The following PCDH11X variants were observed in gnomAD, a reference collection of about 807,000 sequenced individuals.
The protein encoded by PCDH11X is protocadherin-11 X-linked.
PCDH11X carries 18 observed loss-of-function variants against 53.3 expected under a neutral mutation model. That is an observed-to-expected ratio of 0.34 (90% CI 0.23 to 0.50). The LOEUF is 0.50. Ranked by LOEUF, PCDH11X falls within the 20% of genes least tolerant of loss-of-function variation. The pLI, the probability that PCDH11X is intolerant of heterozygous loss-of-function variation, is 0.98. For synonymous variants in PCDH11X, 279 were observed against 393.3 expected, an observed-to-expected ratio of 0.71 and a Z score of 3.44; for missense variants, 570 against 1,032.4, an observed-to-expected ratio of 0.55 and a Z score of 6.14.
rs184144762 is a variant in PCDH11X at position 92,303,446 on chromosome X, C to G, written c.3144+40303C>G. On this transcript the variant is annotated intron_variant, in intron 8 of 10. Transcript: ENST00000682573. The stretch of plus-strand genomic sequence containing the variant: ...TCAGTGGGTTTTTATATCTCCTTCT[C>G]TAAGATGATTATTCATGTAGGGTCC... Among the ~76,000 whole-genome samples, 42 of 111,155 alleles carry G rather than the reference C, an allele frequency of 3.8e-4. 1 individual carries two copies. The East Asian group carries it at 0.011, about 29-fold the overall frequency.
intron 8 of PCDH11X, among the ~76,000 whole-genome samples, chrX:92,318,188 C>T (rs1261374029): frequency 9.0e-6 from 1 of 111,655 alleles, no homozygotes; most frequent in Non-Finnish European, 1.9e-5. Context: ...AATACACTAT[C>T]TGGATGAAAG....
chrX:91,784,464 G>A (rs1414950487), intron 1 of PCDH11X, among the ~76,000 whole-genome samples: 1 of 111,947 alleles, frequency 8.9e-6, no homozygotes, highest in Admixed American at 9.4e-5. Context: ...TCCAGCCTTC[G>A]AAAAATTCCC....
chrX:92,408,848 C>T (rs2071583766), intron 9 of PCDH11X, among the ~76,000 whole-genome samples: 2 of 108,366 alleles, frequency 1.8e-5, no homozygotes, highest in Admixed American at 2.0e-4. Context: ...TCCCAAAGTG[C>T]TGGGATTACA....
intron 6 of PCDH11X, among the ~76,000 whole-genome samples, chrX:91,967,133 C>T (rs2061876866): frequency 9.1e-6 from 1 of 110,019 alleles, no homozygotes; most frequent in Non-Finnish European, 1.9e-5. Context: ...CTTCCAGCTT[C>T]ATCCAAGGAG....
intron 8 of PCDH11X, among the ~76,000 whole-genome samples, chrX:92,295,193 T>G (rs1452971004): frequency 9.0e-6 from 1 of 110,539 alleles, no homozygotes; most frequent in African/African-American, 3.3e-5. Context: ...AGCACTGAAC[T>G]GTAAGTAATC....
At chrX:92,229,343 T>A in intron 7 of PCDH11X, among the ~76,000 whole-genome samples, 1 of 111,190 alleles carries the variant, frequency 9.0e-6, no homozygotes, top group East Asian at 2.8e-4. Flanking sequence ...TCATGAGGTC[T>A]CCCCTCATTT....
chrX:91,953,820 A>G (rs1310783972), intron 6 of PCDH11X, among the ~76,000 whole-genome samples: 2 of 110,012 alleles, frequency 1.8e-5, no homozygotes, highest in Non-Finnish European at 3.8e-5. Context: ...AAGTTTTAGT[A>G]TGTAGCTTTG....
intron 6 of PCDH11X, among the ~76,000 whole-genome samples, chrX:91,957,229 A>G (rs1357621952): frequency 9.2e-6 from 1 of 109,250 alleles, no homozygotes; most frequent in Non-Finnish European, 1.9e-5. Context: ...GTGGTTTGTT[A>G]TTACCCACTT....
At chrX:92,103,098 G>A (rs753796199) in intron 6 of PCDH11X, among the ~76,000 whole-genome samples, 2 of 108,904 alleles carry the variant, frequency 1.8e-5, no homozygotes, top group Non-Finnish European at 3.8e-5. Flanking sequence ...GTTAAGGTGG[G>A]GGGATATGAG....
chrX:92,429,205 A>G (rs1485969746), intron 9 of PCDH11X, among the ~76,000 whole-genome samples: 9 of 111,331 alleles, frequency 8.1e-5, no homozygotes, highest in Non-Finnish European at 1.9e-5. Context: ...TACCTTGACC[A>G]ATGAGAAATC....
intron 8 of PCDH11X, among the ~76,000 whole-genome samples, chrX:92,279,124 T>C (rs1300175063): frequency 8.9e-6 from 1 of 112,149 alleles, no homozygotes; most frequent in African/African-American, 3.3e-5. Flanking sequence ...TTTTAGCTTT[T>C]GTCAGTCATA....
intron 9 of PCDH11X, chrX:92,460,735 G>C: frequency 1.8e-6 from 2 of 1,105,868 alleles, no homozygotes; most frequent in Non-Finnish European, 2.4e-6. Flanking sequence ...GACAGTGCCA[G>C]GCCCAGGAGT....
At chrX:92,296,007 C>T (rs1306736598) in intron 8 of PCDH11X, among the ~76,000 whole-genome samples, 3 of 108,377 alleles carry the variant, frequency 2.8e-5, no homozygotes, top group East Asian at 5.9e-4. Flanking sequence ...CGCTTGAACC[C>T]GGGAGGCGAG....
chrX:92,387,743 G>A lies in PCDH11X; in HGVS notation c.3153G>A (p.Arg1051=). The change falls in exon 9 of 11, where the codon CGG becomes CGA. Residue 1051 remains arginine (R), a synonymous_variant. Coordinates refer to ENST00000682573, the MANE Select transcript of PCDH11X (RefSeq NM_032968.5). ...SEGKVAGKSQ[R]RVTFHLPEGS... ...TTCATTCTCCCTTTCAGTCCCAGCGGCGTGTCACATTTCACCTGCCAGAAG... is the reference window on the plus strand; with the variant it reads ...TTCATTCTCCCTTTCAGTCCCAGCGACGTGTCACATTTCACCTGCCAGAAG... 8.3e-7 allele frequency: 1 copy of A among 1,211,754 alleles called. No individual in the cohort carries two copies. The highest frequency in any genetic ancestry group is 1.1e-6 in the Non-Finnish European group (1 of 895,429).
intron 6 of PCDH11X, among the ~76,000 whole-genome samples, chrX:92,052,084 T>C (rs2063375645): frequency 1.8e-5 from 2 of 111,201 alleles, no homozygotes; most frequent in Admixed American, 9.6e-5. Context: ...CCTCAAATCA[T>C]TCTTATCCCC....
At chrX:91,925,619 A>T (rs1941919175) in intron 6 of PCDH11X, among the ~76,000 whole-genome samples, 1 of 110,991 alleles carries the variant, frequency 9.0e-6, no homozygotes, top group Admixed American at 9.7e-5. Flanking sequence ...AGAAAATGCT[A>T]TGATAATTGA....
At chrX:92,301,232 TGGA>T (rs1371910347) in intron 8 of PCDH11X, among the ~76,000 whole-genome samples, 2 of 108,721 alleles carry the variant, frequency 1.8e-5, no homozygotes, top group Non-Finnish European at 3.8e-5. Context: ...ATTTGAGTAT[TGGA>T]GGCTAAACTG....
chrX:91,921,398 A>T, intron 6 of PCDH11X, among the ~76,000 whole-genome samples: 1 of 109,944 alleles, frequency 9.1e-6, no homozygotes, highest in Non-Finnish European at 1.9e-5. Context: ...AACAAGTATC[A>T]ACAATTATAG....
intron 7 of PCDH11X, among the ~76,000 whole-genome samples, chrX:92,207,549 C>CT (rs200872220): frequency 0.014 from 1,601 of 111,996 alleles, 26 homozygotes; most frequent in African/African-American, 0.049. Context: ...AATTATTCTA[C>CT]TAAGATGCCA....
Sources: gnomAD v4.1 joint callset for allele counts (sites outside exome capture counted in the v4.1 genomes callset) on GRCh38, gnomAD v4.1.1 for gene constraint, MANE v1.5 for transcripts, NCBI Gene and HGNC (gene_info 2026-07-23, HGNC 2026-07-21) for gene names.